The following EHBP1 variants were observed in gnomAD, a reference collection of about 807,000 sequenced individuals.
EHBP1 encodes the protein EH domain binding protein 1.
EHBP1 carries 55 observed loss-of-function variants against 144.0 expected under a neutral mutation model. The observed-to-expected ratio is 0.38, with a 90% CI of 0.31 to 0.48. The LOEUF (loss-of-function observed/expected upper bound fraction) is 0.48. Ranked by LOEUF, EHBP1 falls within the 20% of genes least tolerant of loss-of-function variation. The probability of loss-of-function intolerance (pLI) is 0.98; values close to 1 mark genes in which losing one functional copy is unlikely to be tolerated. For missense variants in EHBP1, 1,200 were observed against 1,364.2 expected (o/e 0.88, Z 1.90); for synonymous variants, 469 against 472.7 (o/e 0.99, Z 0.10).
chr2:62,721,413 C>T (rs1159364363), intron 2 of EHBP1, among the ~76,000 whole-genome samples: 1 of 152,160 alleles, frequency 6.6e-6, no homozygotes, highest in African/African-American at 2.4e-5. Context: ...TGTAAAGTTA[C>T]TATTTTACCC....
In EHBP1 at chr2:63,045,029, C is replaced by T; in HGVS notation, c.3278-37C>T. On this transcript the variant is annotated intron_variant, in intron 21 of 22. Transcript: ENST00000431489. This position sits in a 1 kb window ranked among gnomAD's most constrained non-coding sequence, Gnocchi z 5.7. ...GGGCGGGGGGCCGGGTGTTCGGAGG[C>T]CCTGCCGGTGGGTAACTAGCCTCCC... The T allele has an allele frequency of 1.3e-6, 2 of 1,482,872 alleles. No homozygotes were observed. Among genetic ancestry groups the T allele is most frequent in the Non-Finnish European group, 1.8e-6 (2 of 1,087,410 alleles). 91.9% of individuals were successfully genotyped at this position (1,482,872 alleles called of 1,614,324 possible). A position where few individuals can be genotyped will look rare whatever the true frequency, so the allele number is the denominator to read the frequency against.
At chr2:62,994,094 G>A in intron 18 of EHBP1, 117 bp downstream of exon 18, 1 of 610,678 alleles carries the variant, frequency 1.6e-6, no homozygotes, top group South Asian at 2.5e-5. Context: ...AATCTCCAGT[G>A]CATTCAAAGC....
chr2:62,754,172 T>G (rs1254612514), intron 3 of EHBP1, among the ~76,000 whole-genome samples: 2 of 152,190 alleles, frequency 1.3e-5, no homozygotes, highest in Non-Finnish European at 2.9e-5. Flanking sequence ...TGGGGTTTTG[T>G]TGTGGATGTC....
At chr2:62,964,279 A>T (rs2058136844) in intron 14 of EHBP1, among the ~76,000 whole-genome samples, 1 of 152,172 alleles carries the variant, frequency 6.6e-6, no homozygotes, top group Non-Finnish European at 1.5e-5. Flanking sequence ...GAATGCATGA[A>T]GCTAGGGCTA....
intron 18 of EHBP1, among the ~76,000 whole-genome samples, chr2:62,995,406 T>A (rs1287336990): frequency 6.6e-6 from 1 of 152,104 alleles, no homozygotes; most frequent in Non-Finnish European, 1.5e-5. Context: ...ACTTACCAGT[T>A]CAAAAGGTAT....
intron 13 of EHBP1, among the ~76,000 whole-genome samples, chr2:62,953,326 CA>C (rs1209843215): frequency 6.7e-6 from 1 of 149,888 alleles, no homozygotes; most frequent in Admixed American, 6.6e-5. Context: ...AAATGTTCAG[CA>C]AAATAAGACA....
intron 15 of EHBP1, among the ~76,000 whole-genome samples, chr2:62,990,481 TTAAC>T (rs1306643523): frequency 6.6e-6 from 1 of 152,174 alleles, no homozygotes; most frequent in Non-Finnish European, 1.5e-5. Context: ...TAGCTACTAT[TTAAC>T]TATAGTATAA....
chr2:63,039,620 G>C (rs1409122839), intron 21 of EHBP1, among the ~76,000 whole-genome samples: 1 of 151,970 alleles, frequency 6.6e-6, no homozygotes, highest in East Asian at 1.9e-4. Context: ...TGGTAATTTT[G>C]TTCTTCACCT....
At chr2:62,978,338 C>T (rs1187800992) in intron 14 of EHBP1, among the ~76,000 whole-genome samples, 1 of 151,640 alleles carries the variant, frequency 6.6e-6, no homozygotes, top group Non-Finnish European at 1.5e-5. Context: ...GTAGCTGGGA[C>T]TACAGGCACG....
intron 10 of EHBP1, among the ~76,000 whole-genome samples, chr2:62,898,307 G>C (rs1286504105): frequency 6.6e-6 from 1 of 152,128 alleles, no homozygotes; most frequent in African/African-American, 2.4e-5. Flanking sequence ...TGAATTGTCA[G>C]GCACAGTTAT....
intron 2 of EHBP1, among the ~76,000 whole-genome samples, chr2:62,733,416 T>C (rs2037803981): frequency 6.6e-6 from 1 of 152,188 alleles, no homozygotes; most frequent in Non-Finnish European, 1.5e-5. Context: ...TATTTCCCTG[T>C]TATTATATGG....
At chr2:62,897,652 T>C (rs943985331) in intron 10 of EHBP1, among the ~76,000 whole-genome samples, 3 of 152,168 alleles carry the variant, frequency 2.0e-5, no homozygotes, top group Non-Finnish European at 4.4e-5. Flanking sequence ...TGGTGCAAAA[T>C]TGAACTATAT....
intron 19 of EHBP1, among the ~76,000 whole-genome samples, chr2:62,999,355 A>G (rs563180979): frequency 6.6e-6 from 1 of 152,316 alleles, no homozygotes; most frequent in Non-Finnish European, 1.5e-5. Context: ...TATAAAATTA[A>G]CCATTTGAAA....
chr2:62,983,628 T>C (rs1226795079), intron 15 of EHBP1, among the ~76,000 whole-genome samples: 1 of 152,068 alleles, frequency 6.6e-6, no homozygotes, highest in Non-Finnish European at 1.5e-5. Flanking sequence ...GCAACCTCCG[T>C]CTCCCGGGTT....
At chr2:62,767,433 C>CT (rs1294494061) in intron 4 of EHBP1, among the ~76,000 whole-genome samples, 3 of 151,996 alleles carry the variant, frequency 2.0e-5, no homozygotes, top group African/African-American at 7.2e-5. Flanking sequence ...CACAGTGGGT[C>CT]ATGTCTGTAA....
intron 19 of EHBP1, among the ~76,000 whole-genome samples, chr2:63,008,434 G>T (rs2153232973): frequency 6.6e-6 from 1 of 151,046 alleles, no homozygotes; most frequent in South Asian, 2.1e-4. Flanking sequence ...TTTCTTTCTT[G>T]TTCTTGTCTG....
At chr2:62,955,388 A>T (rs1416120408) in intron 13 of EHBP1, 129 bp from the exon 14 acceptor site, 31 of 826,542 alleles carry the variant, frequency 3.8e-5, no homozygotes, top group Non-Finnish European at 5.3e-5. Flanking sequence ...CTCTATAGGT[A>T]ATCTCATGAA....
chr2:62,726,717 G>C (rs1010127622), intron 2 of EHBP1: 5 of 152,160 alleles, frequency 3.3e-5, no homozygotes, highest in African/African-American at 1.2e-4. Flanking sequence ...GTGAACAATC[G>C]ATTGAGATAA....
intron 9 of EHBP1, 42 bp downstream of exon 9, chr2:62,865,013 A>G (rs184565331): frequency 7.5e-6 from 12 of 1,597,856 alleles, no homozygotes; most frequent in African/African-American, 2.7e-5. Context: ...GTTAGTCTCT[A>G]TGTTACCTAA....
Sources: gnomAD v4.1 joint callset for allele counts (sites outside exome capture counted in the v4.1 genomes callset) on GRCh38, gnomAD v4.1.1 for gene constraint, Gnocchi (gnomAD v3.1) non-coding constraint, MANE v1.5 for transcripts, NCBI Gene and HGNC (gene_info 2026-07-23, HGNC 2026-07-21) for gene names.